Variants in CWH43 observed in about 807,000 individuals in gnomAD.
CWH43 encodes cell wall biogenesis 43 C-terminal homolog.
CWH43 carries 91 observed loss-of-function variants against 85.7 expected under a neutral mutation model. That is an observed-to-expected ratio of 1.06 (90% CI 0.90 to 1.26). The LOEUF (loss-of-function observed/expected upper bound fraction) is 1.26, where lower values mean the gene tolerates loss of function less well. Ranked by LOEUF, CWH43 falls within the 50% of genes most tolerant of loss-of-function variation. The pLI, the probability that CWH43 is intolerant of heterozygous loss-of-function variation, is 0.00. For missense variants in CWH43, 869 were observed against 839.2 expected (o/e 1.04, Z -0.44); for synonymous variants, 323 against 293.6 (o/e 1.10, Z -1.02).
chr4:49,029,208 A>T (rs527863964), intron 10 of CWH43, among the ~76,000 whole-genome samples: 1 of 152,326 alleles, frequency 6.6e-6, no homozygotes, highest in East Asian at 1.9e-4. Flanking sequence ...TTGCCTTGAG[A>T]TGCTGTTAAT....
chr4:49,016,868 C>T (rs912212171), intron 8 of CWH43: 52 of 784,006 alleles, frequency 6.6e-5, no homozygotes, highest in African/African-American at 1.0e-4. Flanking sequence ...GCCTTCTCTC[C>T]GAGTGCCCCA....
chr4:48,988,693 A>G (rs753732727), intron 2 of CWH43, 25 bp downstream of exon 2: 7 of 1,483,632 alleles, frequency 4.7e-6, no homozygotes, highest in African/African-American at 1.4e-5. Context: ...AGTTTCTTTA[A>G]GTTGTTTTTT....
At chr4:49,009,006 G>C (rs1393325721) in intron 8 of CWH43, among the ~76,000 whole-genome samples, 1 of 152,104 alleles carries the variant, frequency 6.6e-6, no homozygotes, top group Admixed American at 6.5e-5. Flanking sequence ...TTCCAATTCT[G>C]TGAAGAAAGT....
intron 7 of CWH43, 151 bp downstream of exon 7, chr4:49,004,143 C>A: frequency 1.5e-6 from 1 of 661,962 alleles, no homozygotes; most frequent in Non-Finnish European, 2.4e-6. Context: ...AAACACAAAA[C>A]CTGGAGTGAT....
chr4:49,059,514 A>G (rs1403536511), intron 15 of CWH43, among the ~76,000 whole-genome samples: 6 of 152,138 alleles, frequency 3.9e-5, no homozygotes, highest in Admixed American at 6.6e-5. Context: ...TTGATTATTT[A>G]TGATCTTTAT....
At chr4:49,033,286 G>T (rs1784160095) in intron 12 of CWH43, among the ~76,000 whole-genome samples, 1 of 152,234 alleles carries the variant, frequency 6.6e-6, no homozygotes, top group African/African-American at 2.4e-5. Flanking sequence ...ATAGGCAGAG[G>T]AATCTGGAAG....
At chr4:49,042,256 C>T (rs1437400410) in intron 13 of CWH43, among the ~76,000 whole-genome samples, 4 of 152,088 alleles carry the variant, frequency 2.6e-5, no homozygotes, top group Non-Finnish European at 5.9e-5. Flanking sequence ...GCTACTTGGG[C>T]CTCCTCTCTG....
At chr4:49,014,303 A>G (rs1367771710) in intron 8 of CWH43, among the ~76,000 whole-genome samples, 1 of 152,068 alleles carries the variant, frequency 6.6e-6, no homozygotes, top group East Asian at 1.9e-4. Flanking sequence ...AAATTTAAAA[A>G]TCAGCCATTT....
At chr4:48,998,185 AC>A (rs1782874349) in intron 5 of CWH43, among the ~76,000 whole-genome samples, 1 of 152,186 alleles carries the variant, frequency 6.6e-6, no homozygotes, top group South Asian at 2.1e-4. Flanking sequence ...TTACTGACCA[AC>A]ATGGACTGTA....
intron 15 of CWH43, among the ~76,000 whole-genome samples, chr4:49,060,344 C>A (rs536565888): frequency 6.6e-6 from 1 of 152,002 alleles, no homozygotes; most frequent in African/African-American, 2.4e-5. Context: ...GAATCTGGGG[C>A]TTTTGGGGGT....
chr4:48,994,758 T>G lies in CWH43; in HGVS notation c.651T>G (p.Ser217=). 2 of 1,614,090 alleles carry G rather than the reference T, an allele frequency of 1.2e-6. No homozygotes were observed. The change falls in exon 5 of 16, where the codon TCT becomes TCG. Residue 217 remains serine (S), a synonymous_variant. Coordinates refer to ENST00000226432, the MANE Select transcript of CWH43 (RefSeq NM_025087.3). ...CCCACTGGGTTTTTGGAGAAGTCTC[T>G]CTTGTTTCCAGATGGGCAGTGAGTG... ...FLTHWVFGEV[S]LVSRWAVSGH... is the part of the protein sequence containing the mutation.
chr4:49,055,076 T>C (rs553372414), intron 15 of CWH43, among the ~76,000 whole-genome samples: 6 of 152,314 alleles, frequency 3.9e-5, no homozygotes, highest in Admixed American at 1.3e-4. Flanking sequence ...GGCATCCTTC[T>C]CTTGATCCTG....
In CWH43 at chr4:49,061,912, T is replaced by C. The variant is rs776304168; in HGVS notation, c.*22T>C. ...ATGAAACATTTAAAACAAGAAGTTA[T>C]TGGCTGGGAAAATCTAAGAAAAAAA... On this transcript the variant is annotated 3_prime_UTR_variant, in exon 16 of 16. Transcript: ENST00000226432. The C allele has an allele frequency of 1.5e-6, 2 of 1,325,024 alleles. No homozygotes were observed. The highest frequency in any genetic ancestry group is 2.8e-5 in the East Asian group (1 of 35,750). The allele number at this position is 1,325,024 out of a possible 1,614,324, so 82.1% of individuals were successfully genotyped here.
chr4:49,000,119 A>G (rs1782942717), intron 6 of CWH43, among the ~76,000 whole-genome samples: 1 of 152,068 alleles, frequency 6.6e-6, no homozygotes, highest in South Asian at 2.1e-4. Context: ...GAGAGATGAG[A>G]TGTTGTTAAT....
At chr4:49,031,004 G>A (rs183591391) in intron 11 of CWH43, 44 bp downstream of exon 11, 1 of 1,523,526 alleles carries the variant, frequency 6.6e-7, no homozygotes, top group Non-Finnish European at 8.8e-7. Flanking sequence ...GTCATGAAAG[G>A]CTAGGCTGCA....
chr4:49,016,860 C>T (rs1783563531), intron 8 of CWH43: 7 of 782,902 alleles, frequency 8.9e-6, no homozygotes, highest in Non-Finnish European at 1.7e-5. Context: ...AAAGACATGC[C>T]TTCTCTCCGA....
At chr4:48,993,902 C>T (rs986866886) in intron 4 of CWH43, among the ~76,000 whole-genome samples, 2 of 151,986 alleles carry the variant, frequency 1.3e-5, no homozygotes, top group African/African-American at 4.8e-5. Context: ...TTACAGGCGT[C>T]TGCCACCGTG....
chr4:48,986,752 T>A (rs1782507794), intron 1 of CWH43: 1 of 1,285,928 alleles, frequency 7.8e-7, no homozygotes, highest in Admixed American at 4.0e-5. Context: ...GGAGCGCGAA[T>A]TCTCCTCGTG....
At chr4:49,060,700 T>C (rs1489560313) in intron 15 of CWH43, among the ~76,000 whole-genome samples, 2 of 152,204 alleles carry the variant, frequency 1.3e-5, no homozygotes, top group Non-Finnish European at 2.9e-5. Context: ...TACATTCAAA[T>C]GCTATAATCT....
Sources: gnomAD v4.1 joint callset for allele counts (sites outside exome capture counted in the v4.1 genomes callset) on GRCh38, gnomAD v4.1.1 for gene constraint, MANE v1.5 for transcripts, NCBI Gene and HGNC (gene_info 2026-07-23, HGNC 2026-07-21) for gene names.